SLCO4C1: variants seen among roughly 807,000 people sequenced by gnomAD.
The protein encoded by SLCO4C1 is organic anion transporter M1.
A neutral mutation model predicts 72.1 loss-of-function variants in SLCO4C1; 58 were observed. The observed-to-expected ratio is 0.80, with a 90% CI of 0.65 to 1.00. The LOEUF is 1.00. Ranked by LOEUF, SLCO4C1 falls within the 50% of genes least tolerant of loss-of-function variation. The pLI, the probability that SLCO4C1 is intolerant of heterozygous loss-of-function variation, is 0.00. For missense variants in SLCO4C1, 898 were observed against 857.9 expected (o/e 1.05, Z -0.58); for synonymous variants, 297 against 312.5 (o/e 0.95, Z 0.52).
chr5:102,253,528 C>T (rs1487705677), intron 8 of SLCO4C1, among the ~76,000 whole-genome samples: 1 of 151,986 alleles, frequency 6.6e-6, no homozygotes, highest in Non-Finnish European at 1.5e-5. Context: ...AACTATTAGC[C>T]AGGCACAGTG....
Position 102,241,980 on chromosome 5 carries a change from C to A in SLCO4C1, c.1812-1198G>T, listed in dbSNP as rs180935052. 3.0e-4 allele frequency among the ~76,000 whole-genome samples: 45 copies of A among 152,222 alleles called. No homozygotes were observed. The East Asian group carries it at 8.7e-3, about 29-fold the overall frequency. ...AAAAAACAGTCCTGAATCTCAGACA[C>A]CACACCTCCCAACCCAGGCAGTGGC... On this transcript the variant is annotated intron_variant, in intron 10 of 12. Transcript: ENST00000310954.
Position 102,259,558 on chromosome 5 carries a change from C to T in SLCO4C1, c.1128+655G>A, listed in dbSNP as rs566624629. 5.2e-3 allele frequency among the ~76,000 whole-genome samples: 798 copies of T among 152,154 alleles called. 4 individuals are homozygous for T. Among genetic ancestry groups the T allele is most frequent in the African/African-American group, 0.017 (710 of 41,548 alleles). On this transcript the variant is annotated intron_variant, in intron 6 of 12. Transcript: ENST00000310954. ...AAAAACAATGAAAAGCAAACAATTT[C>T]ACATCTTGAAAAGGTAAAATTATAA...
Position 102,250,903 on chromosome 5 carries a change from C to A in SLCO4C1, c.1470-1115G>T, listed in dbSNP as rs546650303. ...TCGGGAGGCTGAGGCAGGAGAATCT[C>A]TTGAACCCACGAGGCAGACGTTTCA... On this transcript the variant is annotated intron_variant, in intron 8 of 12. Coordinates refer to ENST00000310954, the MANE Select transcript of SLCO4C1 (RefSeq NM_180991.5). 1.4e-4 allele frequency among the ~76,000 whole-genome samples: 21 copies of A among 152,152 alleles called. No individual in the cohort carries two copies. In the East Asian group the frequency reaches 4.1e-3, roughly 29 times the overall value.
intron 2 of SLCO4C1, among the ~76,000 whole-genome samples, chr5:102,283,506 C>T (rs543161869): frequency 1.3e-5 from 2 of 150,330 alleles, no homozygotes; most frequent in East Asian, 2.0e-4. Context: ...CAAATTTGTG[C>T]GTTTTTAAGA....
At chr5:102,281,151 T>C (rs908470156) in intron 2 of SLCO4C1, among the ~76,000 whole-genome samples, 2 of 152,238 alleles carry the variant, frequency 1.3e-5, no homozygotes, top group East Asian at 1.9e-4. Context: ...AATATAGCTA[T>C]ACAAATATGC....
chr5:102,272,235 G>A (rs1218913405), intron 2 of SLCO4C1, among the ~76,000 whole-genome samples: 2 of 152,126 alleles, frequency 1.3e-5, no homozygotes, highest in African/African-American at 4.8e-5. Flanking sequence ...ACTATCTGGG[G>A]TTTATTTATG....
intron 1 of SLCO4C1, among the ~76,000 whole-genome samples, chr5:102,295,291 T>C (rs1008415195): frequency 1.3e-5 from 2 of 152,214 alleles, no homozygotes; most frequent in Admixed American, 6.5e-5. Context: ...GGATAACTAA[T>C]GTAACACAAT....
chr5:102,264,415 G>C (rs1448329087), intron 3 of SLCO4C1, among the ~76,000 whole-genome samples: 1 of 151,972 alleles, frequency 6.6e-6, no homozygotes, highest in Non-Finnish European at 1.5e-5. Context: ...TATTGTTGTT[G>C]TTGTTGCTGT....
intron 8 of SLCO4C1, among the ~76,000 whole-genome samples, chr5:102,255,333 C>T (rs1228263586): frequency 2.0e-5 from 3 of 152,036 alleles, no homozygotes; most frequent in African/African-American, 2.4e-5. Context: ...TTAAGGTAGA[C>T]AATATTAAAT....
At chr5:102,237,169 G>C in intron 12 of SLCO4C1, 151 bp from the exon 13 acceptor site, 1 of 791,080 alleles carries the variant, frequency 1.3e-6, no homozygotes, top group Non-Finnish European at 1.9e-6. Flanking sequence ...AACATTAAGG[G>C]GAAAGAAAAA....
chr5:102,295,972 A>G lies in SLCO4C1; in HGVS notation c.291T>C (p.Cys97=). The G allele has an allele frequency of 6.2e-7, 1 of 1,614,244 alleles. No individual in the cohort carries two copies. The highest frequency in any genetic ancestry group is 8.5e-7 in the Non-Finnish European group (1 of 1,180,050). The part of the protein sequence containing the change: ...SYGWRNFHPQ[C]LQRCNTPGGF... ...CTCCAGGTGTGTTGCAGCGCTGGAG[A>G]CATTGAGGATGGAAGTTCCTCCAGC... The change falls in exon 1 of 13, where the codon TGT becomes TGC. Residue 97 remains cysteine, a synonymous_variant. Transcript: ENST00000310954.
At chr5:102,238,115 T>G (rs1165995954) in intron 12 of SLCO4C1, among the ~76,000 whole-genome samples, 1 of 152,202 alleles carries the variant, frequency 6.6e-6, no homozygotes, top group Admixed American at 6.5e-5. Flanking sequence ...ATAGAATGAT[T>G]AGTTACATAG....
In SLCO4C1 at chr5:102,235,604, A is replaced by T. The variant is rs1165682063; in HGVS notation, c.*1254T>A. ...TGTGTGGCCTGTTAGGAATCGGGCC[A>T]CACAGTTGGTGAGCTGAGAGGCAGG... On this transcript the variant is annotated 3_prime_UTR_variant, in exon 13 of 13. Coordinates refer to ENST00000310954, the MANE Select transcript of SLCO4C1 (RefSeq NM_180991.5). The T allele has an allele frequency of 1.3e-5, 2 of 152,312 alleles. No individual in the cohort carries two copies. The highest frequency in any genetic ancestry group is 6.5e-5 in the Admixed American group (1 of 15,286). 9.4% of individuals were successfully genotyped at this position (152,312 alleles called of 1,614,324 possible).
chr5:102,252,370 G>A (rs1748755462), intron 8 of SLCO4C1, among the ~76,000 whole-genome samples: 1 of 152,162 alleles, frequency 6.6e-6, no homozygotes, highest in Admixed American at 6.5e-5. Flanking sequence ...GAAGGAAAGA[G>A]TGATCAAGAT....
chr5:102,270,828 G>T, intron 2 of SLCO4C1, 22 bp from the exon 3 acceptor site: 2 of 1,512,726 alleles, frequency 1.3e-6, no homozygotes, highest in South Asian at 1.3e-5. Flanking sequence ...AAAAAATTGT[G>T]AATTTATAGA....
In SLCO4C1 at chr5:102,258,090, A is replaced by G. The variant is rs190473418; in HGVS notation, c.1129-3T>C. On this transcript the variant is annotated splice_region_variant and splice_polypyrimidine_tract_variant and intron_variant, in intron 6 of 12. Coordinates refer to ENST00000310954, the MANE Select transcript of SLCO4C1 (RefSeq NM_180991.5). Reference sequence around the variant, plus strand: ...AAGACAGCATTCTTCATCAAATTCTAAAGAAAAAAATACAGTTCCTCAAAT... The same window carrying G: ...AAGACAGCATTCTTCATCAAATTCTGAAGAAAAAAATACAGTTCCTCAAAT... The G allele has an allele frequency of 1.4e-3, 2,227 of 1,539,394 alleles. 7 individuals carry two copies. Among genetic ancestry groups the G allele is most frequent in the Non-Finnish European group, 1.7e-3 (1,963 of 1,150,018 alleles).
At chr5:102,277,247 C>G (rs1749262921) in intron 2 of SLCO4C1, among the ~76,000 whole-genome samples, 1 of 151,926 alleles carries the variant, frequency 6.6e-6, no homozygotes, top group Non-Finnish European at 1.5e-5. Context: ...CACACTCACC[C>G]CTGCAATATA....
chr5:102,239,211 C>T (rs1748492367), intron 12 of SLCO4C1, 40 bp downstream of exon 12: 2 of 1,496,516 alleles, frequency 1.3e-6, no homozygotes, highest in African/African-American at 1.4e-5. Flanking sequence ...TTTTTTACAT[C>T]CTTAGTTTAC....
chr5:102,250,923 G>A (rs1362701182), intron 8 of SLCO4C1, among the ~76,000 whole-genome samples: 2 of 151,968 alleles, frequency 1.3e-5, no homozygotes, highest in Non-Finnish European at 2.9e-5. Context: ...CGAGGCAGAC[G>A]TTTCAATGAG....
Sources: gnomAD v4.1 joint callset for allele counts (sites outside exome capture counted in the v4.1 genomes callset) on GRCh38, gnomAD v4.1.1 for gene constraint, MANE v1.5 for transcripts, NCBI Gene and HGNC (gene_info 2026-07-23, HGNC 2026-07-21) for gene names.